NEK7: variants seen among roughly 807,000 people sequenced by gnomAD.
NEK7 encodes the protein serine/threonine-protein kinase Nek7.
A neutral mutation model predicts 44.6 loss-of-function variants in NEK7; 18 were observed. The observed-to-expected ratio is 0.40, with a 90% CI of 0.28 to 0.60. NEK7 has a LOEUF of 0.60. Ranked by LOEUF, NEK7 falls within the 20% of genes least tolerant of loss-of-function variation. NEK7 has a pLI of 0.38. For missense variants in NEK7, 256 were observed against 366.5 expected (o/e 0.70, Z 2.46); for synonymous variants, 130 against 121.1 (o/e 1.07, Z -0.48).
intron 1 of NEK7, among the ~76,000 whole-genome samples, chr1:198,185,123 C>CATGT (rs1386518913): frequency 6.7e-6 from 1 of 149,974 alleles, no homozygotes; most frequent in Non-Finnish European, 1.5e-5. Context: ...AGACACTGGA[C>CATGT]ACATTATTAT....
intron 1 of NEK7, among the ~76,000 whole-genome samples, chr1:198,209,070 TAC>T (rs770988722): frequency 0.2 from 29,152 of 148,382 alleles, 3,433 homozygotes; most frequent in African/African-American, 0.31. Flanking sequence ...CACACACACA[TAC>T]GCACATATGT....
chr1:198,184,387 G>C (rs1008207203), intron 1 of NEK7, among the ~76,000 whole-genome samples: 2 of 152,014 alleles, frequency 1.3e-5, no homozygotes, highest in Non-Finnish European at 2.9e-5. Context: ...ACTTCCTGTC[G>C]ATCTGTTTGA....
chr1:198,224,240 A>G (rs1379599059), intron 1 of NEK7, among the ~76,000 whole-genome samples: 1 of 152,164 alleles, frequency 6.6e-6, no homozygotes, highest in Non-Finnish European at 1.5e-5. Context: ...GTGATATCAT[A>G]GGTATTATAA....
In NEK7 at chr1:198,212,391, A is replaced by G. The variant is rs1571536771; in HGVS notation, c.-28-20162A>G. Reference sequence around the variant, plus strand: ...TTCAGCTAGCCGCTGTTAGCAAAACACTGCGGGTGTGAGACCTGCCTTGCC... The same window carrying G: ...TTCAGCTAGCCGCTGTTAGCAAAACGCTGCGGGTGTGAGACCTGCCTTGCC... On this transcript the variant is annotated intron_variant, in intron 1 of 9. Coordinates refer to ENST00000367385, the MANE Select transcript of NEK7 (RefSeq NM_133494.3). Among the ~76,000 whole-genome samples, 3 of 152,198 alleles carry G rather than the reference A, an allele frequency of 2.0e-5. No homozygotes were observed. The South Asian group carries it at 6.2e-4, about 32-fold the overall frequency.
At chr1:198,299,998 A>C (rs1178611749) in intron 9 of NEK7, among the ~76,000 whole-genome samples, 1 of 152,190 alleles carries the variant, frequency 6.6e-6, no homozygotes, top group Non-Finnish European at 1.5e-5. Context: ...TGTACAAATA[A>C]TTAGGGTTCT....
intron 9 of NEK7, among the ~76,000 whole-genome samples, chr1:198,308,286 C>A (rs1280434614): frequency 1.3e-5 from 2 of 152,228 alleles, no homozygotes; most frequent in Non-Finnish European, 2.9e-5. Flanking sequence ...TAATCTGGAT[C>A]TGGTAGAGTC....
In NEK7 at chr1:198,321,426, A is replaced by G. The variant is rs766626823; in HGVS notation, c.*1904A>G. On this transcript the variant is annotated 3_prime_UTR_variant, in exon 10 of 10. Coordinates refer to ENST00000367385, the MANE Select transcript of NEK7 (RefSeq NM_133494.3). ...CTTATTGACCATTAATGTCATGTTC[A>G]TTTTAATGTAATATAATTGAGATGA... The G allele has an allele frequency of 6.6e-6, 1 of 152,144 alleles. No homozygotes were observed. The highest frequency in any genetic ancestry group is 1.5e-5 in the Non-Finnish European group (1 of 67,990). 9.4% of individuals were successfully genotyped at this position (152,144 alleles called of 1,614,324 possible). A position where few individuals can be genotyped will look rare whatever the true frequency, so the allele number is the denominator to read the frequency against.
intron 5 of NEK7, among the ~76,000 whole-genome samples, chr1:198,276,801 T>C (rs1440829420): frequency 6.6e-6 from 1 of 151,740 alleles, no homozygotes; most frequent in African/African-American, 2.4e-5. Context: ...ACAGTAGATA[T>C]AATTTTTTGC....
intron 1 of NEK7, among the ~76,000 whole-genome samples, chr1:198,209,433 A>C (rs1253517553): frequency 1.3e-5 from 2 of 152,200 alleles, no homozygotes; most frequent in Non-Finnish European, 2.9e-5. Flanking sequence ...AGTGATACAT[A>C]AAAGGATTTC....
At chr1:198,193,433 G>A (rs1665136543) in intron 1 of NEK7, among the ~76,000 whole-genome samples, 1 of 152,124 alleles carries the variant, frequency 6.6e-6, no homozygotes, top group Non-Finnish European at 1.5e-5. Context: ...AATTGAAAAG[G>A]AGGGACTCTT....
At chr1:198,303,563 C>CT (rs1382721948) in intron 9 of NEK7, among the ~76,000 whole-genome samples, 2 of 151,418 alleles carry the variant, frequency 1.3e-5, no homozygotes, top group Admixed American at 6.6e-5. Flanking sequence ...GTTTATAAAA[C>CT]TTTTTTATTC....
At chr1:198,312,843 A>T (rs923754138) in intron 9 of NEK7, among the ~76,000 whole-genome samples, 9 of 151,940 alleles carry the variant, frequency 5.9e-5, no homozygotes, top group African/African-American at 2.2e-4. Context: ...TTTGCTGAGG[A>T]GAGCTTTACT....
intron 9 of NEK7, among the ~76,000 whole-genome samples, chr1:198,318,923 T>C (rs1422864193): frequency 6.6e-6 from 1 of 152,028 alleles, no homozygotes; most frequent in Non-Finnish European, 1.5e-5. Context: ...TTTTTTTCTC[T>C]AATACAAAAT....
chr1:198,260,105 G>T (rs907238152), intron 3 of NEK7, among the ~76,000 whole-genome samples: 4 of 152,002 alleles, frequency 2.6e-5, no homozygotes, highest in African/African-American at 9.7e-5. Flanking sequence ...AGAAAGGGTG[G>T]GCATTAACAG....
At chr1:198,192,790 T>G (rs1355418338) in intron 1 of NEK7, among the ~76,000 whole-genome samples, 2 of 152,078 alleles carry the variant, frequency 1.3e-5, no homozygotes, top group East Asian at 3.8e-4. Flanking sequence ...CATGTGAGAA[T>G]CTCTGGGACT....
intron 3 of NEK7, among the ~76,000 whole-genome samples, chr1:198,260,091 A>G (rs1653405474): frequency 6.6e-6 from 1 of 152,162 alleles, no homozygotes. Context: ...GGATTTTTAT[A>G]TGTAGAAAGG....
Position 198,300,259 on chromosome 1 carries a change from T to C in NEK7, c.798+3019T>C, listed in dbSNP as rs562226534. Among the ~76,000 whole-genome samples the C allele has an allele frequency of 2.0e-5, 3 of 152,276 alleles. No individual in the cohort carries two copies. The South Asian group carries it at 6.2e-4, about 32-fold the overall frequency. On this transcript the variant is annotated intron_variant, in intron 9 of 9. Coordinates refer to ENST00000367385, the MANE Select transcript of NEK7 (RefSeq NM_133494.3). ...ATTGTTGGTGACAGTGAAGCAAACA[T>C]TTTCTTATGTATAAGGAATTGTGAC...
intron 5 of NEK7, among the ~76,000 whole-genome samples, chr1:198,273,672 A>G (rs1653923728): frequency 6.6e-6 from 1 of 151,754 alleles, no homozygotes; most frequent in Non-Finnish European, 1.5e-5. Context: ...TTGTCATCTC[A>G]TGTTAAGACC....
intron 9 of NEK7, among the ~76,000 whole-genome samples, chr1:198,306,548 C>A (rs557630632): frequency 6.2e-4 from 94 of 152,152 alleles, no homozygotes; most frequent in African/African-American, 2.1e-3. Flanking sequence ...ACTATTTTAT[C>A]CTCCTATTCA....
Sources: allele counts gnomAD v4.1 joint callset (sites outside exome capture counted in the v4.1 genomes callset), GRCh38; gene constraint gnomAD v4.1.1; transcripts MANE v1.5; gene names NCBI Gene and HGNC (gene_info 2026-07-23, HGNC 2026-07-21).